Variants in SNX1 observed in about 807,000 individuals in gnomAD.
The protein encoded by SNX1 is sorting nexin 1.
Under a neutral mutation model 71.8 loss-of-function variants are expected in SNX1, and 36 were observed. The ratio of observed to expected loss-of-function variants is 0.50; its 90% CI spans 0.38 to 0.66. The LOEUF is 0.66. Ranked by LOEUF, SNX1 falls within the 30% of genes least tolerant of loss-of-function variation. The pLI, the probability that SNX1 is intolerant of heterozygous loss-of-function variation, is 0.00. For synonymous variants in SNX1, 254 were observed against 240.7 expected (o/e 1.06, Z -0.51); for missense variants, 612 against 646.7 (o/e 0.95, Z 0.58).
Position 64,141,647 on chromosome 15 carries a change from G to A in SNX1, c.*4029G>A, listed in dbSNP as rs1429513810. ...GCTTGGTGTAGGGTAAAGTCAGTGA[G>A]GCCCATGGAGAAAAACGAGCAGGAG... On this transcript the variant is annotated 3_prime_UTR_variant, in exon 15 of 15. Transcript: ENST00000559844. This position sits in a 1 kb window ranked among gnomAD's most constrained non-coding sequence, Gnocchi z 5.1. 1 of 152,282 alleles carries A rather than the reference G, an allele frequency of 6.6e-6. No individual in the cohort carries two copies. Among genetic ancestry groups the A allele is most frequent in the Non-Finnish European group, 1.5e-5 (1 of 68,108 alleles). The allele number at this position is 152,282 out of a possible 1,614,324, so 9.4% of individuals were successfully genotyped here. A position where few individuals can be genotyped will look rare whatever the true frequency, so the allele number is the denominator to read the frequency against.
Position 64,130,027 on chromosome 15 carries a change from A to T in SNX1, c.919A>T (p.Ile307Phe), listed in dbSNP as rs750481322. The T allele has an allele frequency of 6.2e-7, 1 of 1,609,704 alleles. No individual in the cohort carries two copies. The highest frequency in any genetic ancestry group is 8.5e-7 in the Non-Finnish European group (1 of 1,175,988). Residue 307 changes from isoleucine (I) to phenylalanine (F), a missense_variant and splice_region_variant, in exon 9 of 15, where the codon ATT (isoleucine) becomes TTT (phenylalanine). Around this residue, in one of 2 missense-constraint regions of SNX1, gnomAD observed 296 missense variants for 361.9 expected, o/e 0.82. Transcript: ENST00000559844. ...GACCATCAAGATGAATGAATCAGAC[A>T]TTGTGAGTAGCCCTGTGCCTCTTAC... Reference protein sequence around the residue: ...KMTIKMNESDIWFEEKLQEVE... With the variant: ...KMTIKMNESDFWFEEKLQEVE...
At chr15:64,110,021 C>G (rs1234405852) in intron 1 of SNX1, among the ~76,000 whole-genome samples, 2 of 152,250 alleles carry the variant, frequency 1.3e-5, no homozygotes, top group East Asian at 1.9e-4. Context: ...ATGGGTCTCA[C>G]AGTAGTATTT....
chr15:64,103,650 T>C (rs1425739703), intron 1 of SNX1, among the ~76,000 whole-genome samples: 1 of 152,230 alleles, frequency 6.6e-6, no homozygotes, highest in Non-Finnish European at 1.5e-5. Context: ...CTATAAACAG[T>C]TTATTTCTCT....
At chr15:64,113,822 A>G (rs1173213485) in intron 2 of SNX1, among the ~76,000 whole-genome samples, 1 of 85,078 alleles carries the variant, frequency 1.2e-5, no homozygotes, top group Non-Finnish European at 3.9e-5. Flanking sequence ...CTCCATCTCA[A>G]AATAAAGAAA....
Position 64,138,227 on chromosome 15 carries a change from CT to C in SNX1, c.*612del. 1 of 1,485,048 alleles carries C rather than the reference CT, an allele frequency of 6.7e-7. No homozygotes were observed. The highest frequency in any genetic ancestry group is 8.9e-7 in the Non-Finnish European group (1 of 1,127,596). The allele number at this position is 1,485,048 out of a possible 1,614,324, so 92.0% of individuals were successfully genotyped here. A position where few individuals can be genotyped will look rare whatever the true frequency, so the allele number is the denominator to read the frequency against. The stretch of plus-strand genomic sequence containing the variant: ...CTCAATCTGTTTCGTATTCCCACTT[CT>C]TTAGGGAAGGAGTTTTAAAAACATC... On this transcript the variant is annotated 3_prime_UTR_variant, in exon 15 of 15. Coordinates refer to ENST00000559844, the MANE Select transcript of SNX1 (RefSeq NM_003099.5).
In SNX1 at chr15:64,134,607, G is replaced by C. The variant is rs2140161035; in HGVS notation, c.1222-57G>C. 1.3e-6 allele frequency: 2 copies of C among 1,559,098 alleles called. No individual in the cohort carries two copies. Among genetic ancestry groups the C allele is most frequent in the Middle Eastern group, 4.7e-4 (2 of 4,228 alleles). ...TGCTGGGAGAGCCTGCCTCGAGGCA[G>C]AGCCAGCAGAGCTCTTGAAGAGCTG... On this transcript the variant is annotated intron_variant, in intron 11 of 14. Transcript: ENST00000559844. This position sits in a 1 kb window ranked among gnomAD's most constrained non-coding sequence, Gnocchi z 4.1.
chr15:64,107,854 G>A (rs2081038152), intron 1 of SNX1, among the ~76,000 whole-genome samples: 1 of 152,144 alleles, frequency 6.6e-6, no homozygotes, highest in Non-Finnish European at 1.5e-5. Flanking sequence ...CTTTCACACA[G>A]GTGAATAGTT....
Position 64,129,989 on chromosome 15 carries a change from C to T in SNX1, c.881C>T (p.Ala294Val). The change falls in exon 9 of 15, where the codon GCC (alanine) becomes GTC (valine). Residue 294 changes from alanine (A) to valine (V), a missense_variant. Around this residue, in one of 2 missense-constraint regions of SNX1, gnomAD observed 296 missense variants for 361.9 expected, o/e 0.82. Transcript: ENST00000559844. This position sits in a 1 kb window ranked among gnomAD's most constrained non-coding sequence, Gnocchi z 4.4. ...LLKMFNKATD[A>V]VSKMTIKMNE... ...AAGATGTTCAACAAAGCCACAGATGCCGTCAGCAAAATGACCATCAAGATG... is the reference window on the plus strand; with the variant it reads ...AAGATGTTCAACAAAGCCACAGATGTCGTCAGCAAAATGACCATCAAGATG... 3 of 1,614,068 alleles carry T rather than the reference C, an allele frequency of 1.9e-6. No homozygotes were observed. The highest frequency in any genetic ancestry group is 2.5e-6 in the Non-Finnish European group (3 of 1,179,962).
Position 64,137,686 on chromosome 15 carries a change from A to T in SNX1, c.*68A>T, listed in dbSNP as rs917284618. 1.1e-5 allele frequency: 18 copies of T among 1,609,208 alleles called. No homozygotes were observed. Among genetic ancestry groups the T allele is most frequent in the Admixed American group, 5.0e-5 (3 of 59,586 alleles). On this transcript the variant is annotated 3_prime_UTR_variant, in exon 15 of 15. Coordinates refer to ENST00000559844, the MANE Select transcript of SNX1 (RefSeq NM_003099.5). Reference sequence around the variant, plus strand: ...TTATACACTGTCCTCCTCCACCTTGATGGACCCCTAGTGATGCATCCTGCC... The same window carrying T: ...TTATACACTGTCCTCCTCCACCTTGTTGGACCCCTAGTGATGCATCCTGCC...
At chr15:64,103,785 A>T (rs1325125197) in intron 1 of SNX1, among the ~76,000 whole-genome samples, 1 of 152,246 alleles carries the variant, frequency 6.6e-6, no homozygotes, top group Admixed American at 6.5e-5. Flanking sequence ...GATATAACAC[A>T]TCCTCATTAA....
At chr15:64,119,564 A>C (rs772200449) in intron 4 of SNX1, among the ~76,000 whole-genome samples, 3 of 152,104 alleles carry the variant, frequency 2.0e-5, no homozygotes, top group Non-Finnish European at 4.4e-5. Flanking sequence ...TCTATACTAA[A>C]AATGCAAAAA....
At chr15:64,111,291 C>A (rs555418116) in intron 1 of SNX1, among the ~76,000 whole-genome samples, 14 of 152,324 alleles carry the variant, frequency 9.2e-5, no homozygotes, top group Non-Finnish European at 1.0e-4. Flanking sequence ...AGCTAGAGGA[C>A]AGGACCACTA....
chr15:64,125,306 A>T (rs1207060427), intron 5 of SNX1, among the ~76,000 whole-genome samples: 1 of 151,834 alleles, frequency 6.6e-6, no homozygotes, highest in African/African-American at 2.4e-5. Flanking sequence ...CTACTAAAAA[A>T]CTATAAAAAT....
At chr15:64,137,451 G>A in intron 14 of SNX1, 117 bp from the exon 15 acceptor site, 1 of 1,107,568 alleles carries the variant, frequency 9.0e-7, no homozygotes, top group South Asian at 1.4e-5. Flanking sequence ...CTCGGAGCCT[G>A]CCTTTGTGTG....
chr15:64,096,443 C>A (rs2140124799), intron 1 of SNX1, among the ~76,000 whole-genome samples: 1 of 152,382 alleles, frequency 6.6e-6, no homozygotes, highest in South Asian at 2.1e-4. Context: ...TTTGACCCTG[C>A]AGTGTGGTGA....
In SNX1 at chr15:64,139,634, A is replaced by AT. The variant is rs1282786063; in HGVS notation, c.*2023dup. Reference sequence around the variant, plus strand: ...AGAATTACTTTAAGCATTATTCAGTATTTTTTTAAGTATTATTATCAAAAT... The same window carrying AT: ...AGAATTACTTTAAGCATTATTCAGTATTTTTTTTAAGTATTATTATCAAAAT... On this transcript the variant is annotated 3_prime_UTR_variant, in exon 15 of 15. Coordinates refer to ENST00000559844, the MANE Select transcript of SNX1 (RefSeq NM_003099.5). 7.8e-5 allele frequency: 11 copies of AT among 140,342 alleles called. No individual in the cohort carries two copies. The highest frequency in any genetic ancestry group is 3.0e-4 in the African/African-American group (11 of 36,954). The allele number at this position is 140,342 out of a possible 1,614,324, so 8.7% of individuals were successfully genotyped here.
chr15:64,117,151 A>G (rs1008121895), intron 2 of SNX1, among the ~76,000 whole-genome samples: 4 of 152,180 alleles, frequency 2.6e-5, no homozygotes, highest in South Asian at 2.1e-4. Context: ...TCTAGCTTAT[A>G]GCTTTCCTGA....
chr15:64,123,906 C>T (rs546943487), intron 5 of SNX1, among the ~76,000 whole-genome samples: 1 of 152,026 alleles, frequency 6.6e-6, no homozygotes, highest in Admixed American at 6.5e-5. Context: ...TTTTTAAATA[C>T]TTAACCTTTT....
At chr15:64,108,360 C>T (rs1252408883) in intron 1 of SNX1, among the ~76,000 whole-genome samples, 3 of 152,046 alleles carry the variant, frequency 2.0e-5, no homozygotes, top group Admixed American at 2.0e-4. Context: ...TTTAATAATA[C>T]TAATAAAAAT....
Sources: allele counts gnomAD v4.1 joint callset (sites outside exome capture counted in the v4.1 genomes callset), GRCh38; gene constraint gnomAD v4.1.1; regional missense constraint gnomAD v4.1.1; non-coding constraint Gnocchi (gnomAD v3.1); transcripts MANE v1.5; gene names NCBI Gene and HGNC (gene_info 2026-07-23, HGNC 2026-07-21).